The following GRIP2 variants were observed in gnomAD, a reference collection of about 807,000 sequenced individuals.
GRIP2 encodes glutamate receptor-interacting protein 2.
GRIP2 carries 58 observed loss-of-function variants against 108.3 expected under a neutral mutation model. The ratio of observed to expected loss-of-function variants is 0.54; its 90% confidence interval spans 0.43 to 0.67. GRIP2 has a LOEUF of 0.67. Ranked by LOEUF, GRIP2 falls within the 30% of genes least tolerant of loss-of-function variation. The pLI is 0.00. For missense variants in GRIP2, 1,278 were observed against 1,430.6 expected (o/e 0.89, Z 1.72); for synonymous variants, 586 against 598.2 (o/e 0.98, Z 0.30).
chr3:14,599,195 G>A, the GRIP2 span, among the ~76,000 whole-genome samples: 1 of 152,176 alleles, frequency 6.6e-6, no homozygotes, highest in Non-Finnish European at 1.5e-5. Flanking sequence ...TTTGTTGCAT[G>A]AATGAAAAGT....
upstream of GRIP2, among the ~76,000 whole-genome samples, chr3:14,560,539 C>A (rs1428502899): frequency 1.3e-5 from 2 of 152,180 alleles, no homozygotes; most frequent in Non-Finnish European, 2.9e-5. Flanking sequence ...TGACCCAAGT[C>A]AACCCAGTGA....
rs532314732 is a variant in GRIP2 at position 14,555,143 on chromosome 3, A to G, written c.55+757T>C. ...TTCCTAGCACTCTGAGGGGCTGAGC[A>G]TGTGTCCAGGGATGGCACCCGGCAC... On this transcript the variant is annotated intron_variant, in intron 1 of 23. Coordinates refer to the GRIP2 transcript ENST00000637182. Among the ~76,000 whole-genome samples, 134 of 151,994 alleles carry G rather than the reference A, an allele frequency of 8.8e-4. 1 individual carries two copies. The highest frequency in any genetic ancestry group is 3.1e-3 in the African/African-American group (128 of 41,420).
chr3:14,520,799 A>T lies in GRIP2; in HGVS notation c.713-262T>A, dbSNP rs58394643. On this transcript the variant is annotated intron_variant, in intron 7 of 23. Transcript: ENST00000621039. ...TCCCAGGGCTTTGCTGGGTGAAATGAATTTGCTTGAGTTTATGAAGAGCCT... is the reference window on the plus strand; with the variant it reads ...TCCCAGGGCTTTGCTGGGTGAAATGTATTTGCTTGAGTTTATGAAGAGCCT... 1,682 of 504,470 alleles carry T rather than the reference A, an allele frequency of 3.3e-3. 18 individuals are homozygous for T. Among genetic ancestry groups the T allele is most frequent in the African/African-American group, 0.029 (1,508 of 51,976 alleles). 31.2% of individuals were successfully genotyped at this position (504,470 alleles called of 1,614,324 possible).
upstream of GRIP2, among the ~76,000 whole-genome samples, chr3:14,557,211 T>C (rs1038850709): frequency 2.0e-5 from 3 of 152,212 alleles, no homozygotes; most frequent in African/African-American, 4.8e-5. Flanking sequence ...CTAGGACGGA[T>C]GGAACACAGG....
chr3:14,584,129 G>T, the GRIP2 span, among the ~76,000 whole-genome samples: 9 of 152,152 alleles, frequency 5.9e-5, no homozygotes, highest in Admixed American at 1.3e-4. Flanking sequence ...CACAGTAGGT[G>T]AGGGGAGTAG....
At chr3:14,533,337 C>A (rs1694757124) in intron 1 of GRIP2, among the ~76,000 whole-genome samples, 1 of 152,188 alleles carries the variant, frequency 6.6e-6, no homozygotes, top group Non-Finnish European at 1.5e-5. Flanking sequence ...CCTGGAAAAT[C>A]CCTCTCTATC....
At chr3:14,514,510 AGCC>A (rs1412947569) in intron 11 of GRIP2, 32 bp from the exon 12 acceptor site, 1 of 1,507,544 alleles carries the variant, frequency 6.6e-7, no homozygotes, top group East Asian at 2.5e-5. Flanking sequence ...CATTCAGGTG[AGCC>A]GCCCCACGGA....
rs1439753861 is a variant in GRIP2 at position 14,489,249 on chromosome 3, T to G, written c.*4416A>C. ...GTTTTTTTCTCTTTTGCTTTTTAGA[T>G]AAATATGTATATCAATATTTTAAAT... On this transcript the variant is annotated 3_prime_UTR_variant, in exon 24 of 24. Coordinates refer to ENST00000621039, the MANE Select transcript of GRIP2 (RefSeq NM_001080423.4). 1.3e-5 allele frequency: 2 copies of G among 152,624 alleles called. No homozygotes were observed. Among genetic ancestry groups the G allele is most frequent in the African/African-American group, 2.4e-5 (1 of 41,448 alleles). The allele number at this position is 152,624 out of a possible 1,614,324, so 9.5% of individuals were successfully genotyped here. A position where few individuals can be genotyped will look rare whatever the true frequency, so the allele number is the denominator to read the frequency against.
chr3:14,598,670 A>G, the GRIP2 span, among the ~76,000 whole-genome samples: 1 of 151,602 alleles, frequency 6.6e-6, no homozygotes, highest in Non-Finnish European at 1.5e-5. Flanking sequence ...CTCCCATCAC[A>G]ATAAGATCCA....
chr3:14,503,722 GCT>G, intron 20 of GRIP2, 51 bp from the exon 21 acceptor site: 1 of 998,294 alleles, frequency 1.0e-6, no homozygotes, highest in South Asian at 1.6e-5. Context: ...GGGTGGGCGG[GCT>G]GGGGCCTGAG....
chr3:14,529,304 G>GAAAAAAAAAA (rs1694649771), intron 1 of GRIP2, among the ~76,000 whole-genome samples: 1 of 124,302 alleles, frequency 8.0e-6, no homozygotes. Context: ...AAAAAAAAAG[G>GAAAAAAAAAA]AAAAACACTT....
In GRIP2 at chr3:14,512,915, C is replaced by T. The variant is rs1694139660; in HGVS notation, c.1640-58G>A. On this transcript the variant is annotated intron_variant, in intron 13 of 23. Transcript: ENST00000621039. This position sits in a 1 kb window ranked among gnomAD's most constrained non-coding sequence, Gnocchi z 5.1. ...ACCCAGAGGAGGAGCCTCAGCGAAC[C>T]CCAGCCCCATGCCCATTCTGGCTGT... The T allele has an allele frequency of 6.7e-7, 1 of 1,503,284 alleles. No homozygotes were observed. The highest frequency in any genetic ancestry group is 9.3e-7 in the Non-Finnish European group (1 of 1,079,760). The allele number at this position is 1,503,284 out of a possible 1,614,324, so 93.1% of individuals were successfully genotyped here. A position where few individuals can be genotyped will look rare whatever the true frequency, so the allele number is the denominator to read the frequency against.
At chr3:14,525,623 G>A in intron 2 of GRIP2, 51 bp from the exon 3 acceptor site, 1 of 1,606,050 alleles carries the variant, frequency 6.2e-7, no homozygotes, top group South Asian at 1.1e-5. Flanking sequence ...GGCCACCCCA[G>A]GCCCCCAGCT....
At chr3:14,567,526 C>T in the GRIP2 span, among the ~76,000 whole-genome samples, 7 of 152,174 alleles carry the variant, frequency 4.6e-5, no homozygotes, top group Non-Finnish European at 8.8e-5. Flanking sequence ...ATGATGCCAC[C>T]ACTCCAGGGA....
At chr3:14,569,632 G>T in the GRIP2 span, among the ~76,000 whole-genome samples, 5 of 152,154 alleles carry the variant, frequency 3.3e-5, no homozygotes, top group Non-Finnish European at 2.9e-5. Flanking sequence ...CAGTGTGGGG[G>T]TGCTGCAGTA....
At chr3:14,554,504 C>G (rs1695203169) in intron 1 of GRIP2, among the ~76,000 whole-genome samples, 1 of 152,018 alleles carries the variant, frequency 6.6e-6, no homozygotes, top group East Asian at 1.9e-4. Flanking sequence ...TCTGGTCAGA[C>G]CCAAAGAGAG....
At chr3:14,514,605 C>G (rs900901801) in intron 11 of GRIP2, 127 bp from the exon 12 acceptor site, 2 of 918,754 alleles carry the variant, frequency 2.2e-6, no homozygotes, top group East Asian at 5.4e-5. Flanking sequence ...CTGACTCAGT[C>G]TGGGACCAGA....
chr3:14,542,865 G>T (rs1575031521), upstream of GRIP2, among the ~76,000 whole-genome samples: 1 of 152,288 alleles, frequency 6.6e-6, no homozygotes, highest in Non-Finnish European at 1.5e-5. Flanking sequence ...ACTTGCCCAA[G>T]GTCACACAGC....
intron 21 of GRIP2, among the ~76,000 whole-genome samples, chr3:14,500,397 T>A (rs990266237): frequency 2.0e-5 from 3 of 152,194 alleles, no homozygotes; most frequent in Non-Finnish European, 4.4e-5. Context: ...AAAAACAGAC[T>A]GAGTCTGTAG....
Sources: allele counts gnomAD v4.1 joint callset (sites outside exome capture counted in the v4.1 genomes callset), GRCh38; gene constraint gnomAD v4.1.1; non-coding constraint Gnocchi (gnomAD v3.1); transcripts MANE v1.5; gene names NCBI Gene and HGNC (gene_info 2026-07-23, HGNC 2026-07-21).